Variants in ZNF319 observed in about 807,000 individuals in gnomAD.
ZNF319 encodes the protein zinc finger protein 319.
A neutral mutation model predicts 46.0 loss-of-function variants in ZNF319; 15 were observed. That is an observed-to-expected ratio of 0.33 (90% CI 0.22 to 0.50). The LOEUF is 0.50. Among genes scored for constraint, ZNF319 ranks in the 20% least tolerant of loss-of-function variants. ZNF319 has a pLI of 0.98. For synonymous variants in ZNF319, 368 were observed against 364.0 expected, an observed-to-expected ratio of 1.01 and a Z score of -0.13; for missense variants, 635 against 807.0, an observed-to-expected ratio of 0.79 and a Z score of 2.58.
Position 57,997,924 on chromosome 16 carries a change from G to C in ZNF319, c.342C>G (p.His114Gln). 1 of 1,613,572 alleles carries C rather than the reference G, an allele frequency of 6.2e-7. No individual in the cohort carries two copies. Among genetic ancestry groups the C allele is most frequent in the South Asian group, 1.1e-5 (1 of 91,092 alleles). The change falls in exon 2 of 2, where the codon CAC becomes CAG. Residue 114 changes from histidine (H) to glutamine (Q), a missense_variant. Around this residue, in one of 3 missense-constraint regions of ZNF319, gnomAD observed 227 missense variants for 277.5 expected, o/e 0.82. Transcript: ENST00000299237. Reference protein sequence around the residue: ...FQCTQCLKIFHQATDLLEHQC... With the variant: ...FQCTQCLKIFQQATDLLEHQC... ...GGTGCTCCAGCAGGTCAGTGGCCTG[G>C]TGGAAGATCTTGAGACACTGTGTGC...
In ZNF319 at chr16:57,995,299, A is replaced by G. The variant is rs946069648; in HGVS notation, c.*1218T>C. The G allele has an allele frequency of 3.9e-5, 6 of 152,196 alleles. No individual in the cohort carries two copies. The highest frequency in any genetic ancestry group is 3.3e-4 in the Admixed American group (5 of 15,284). 9.4% of individuals were successfully genotyped at this position (152,196 alleles called of 1,614,324 possible). On this transcript the variant is annotated 3_prime_UTR_variant, in exon 2 of 2. Coordinates refer to ENST00000299237, the MANE Select transcript of ZNF319 (RefSeq NM_020807.3). ...AACCCACTTGCTCTTTCTGCTCCCT[A>G]TGACTGGGATACCCTCTGCTTCATG...
At position 57,998,153 on chromosome 16, in the gene ZNF319, G is replaced by A. The variant is rs61995741; in HGVS notation, c.113C>T (p.Pro38Leu). 3.3e-3 allele frequency: 5,129 copies of A among 1,577,878 alleles called. 15 individuals carry two copies. Among genetic ancestry groups the A allele is most frequent in the South Asian group, 5.4e-3 (464 of 86,158 alleles). The change falls in exon 2 of 2, where the codon CCG (proline) becomes CTG (leucine). Residue 38 changes from proline (P) to leucine (L), a missense_variant. This residue lies in a region of ZNF319 where 227 missense variants were observed against 277.5 expected (regional missense o/e 0.82). Coordinates refer to ENST00000299237, the MANE Select transcript of ZNF319 (RefSeq NM_020807.3). ...PPALAEHTLP[P>L]GTAENPLGCA... is the part of the protein sequence containing the mutation. ...GCCCAGGGGGTTCTCCGCCGTGCCC[G>A]GAGGCAGCGTGTGCTCTGCCAGGGC... is the stretch of plus-strand genomic sequence containing the variant.
At position 57,996,846 on chromosome 16, in the gene ZNF319, C is replaced by T; in HGVS notation, c.1420G>A (p.Val474Met). ...CGGGCCGGATCGCAGCGGTGCTGCA[C>T]GAACTCGGAAGAGGAGAAGAAGCGG... ...ERRFFSSSEF[V>M]QHRCDPAREK... is the part of the protein sequence containing the mutation. Residue 474 changes from valine (V) to methionine (M), a missense_variant, in exon 2 of 2, where the codon GTG (valine) becomes ATG (methionine). By Grantham distance (21) the Val-to-Met change is conservative (BLOSUM62 1). Coordinates refer to ENST00000299237, the MANE Select transcript of ZNF319 (RefSeq NM_020807.3). 1.1e-5 allele frequency: 17 copies of T among 1,605,456 alleles called. No individual in the cohort carries two copies. The highest frequency in any genetic ancestry group is 1.4e-5 in the Non-Finnish European group (17 of 1,178,378).
Position 57,997,299 on chromosome 16 carries a change from CCTT to C in ZNF319, c.964_966del (p.Lys322del). ...CGCAGGTCCGAGGGCCGCTTGAAGG[CCTT>C]CTGGCACTCGCCGCAGCGGAAGGGC... On this transcript the variant is annotated inframe_deletion, in exon 2 of 2. Transcript: ENST00000299237. 2 of 1,609,642 alleles carry C rather than the reference CCTT, an allele frequency of 1.2e-6. No homozygotes were observed. Among genetic ancestry groups the C allele is most frequent in the Non-Finnish European group, 1.7e-6 (2 of 1,179,538 alleles).
Position 57,997,567 on chromosome 16 carries a change from C to A in ZNF319, c.699G>T (p.Thr233=). ...IHTGEKPYKC[T]LCDKSFSQSS... is the part of the protein sequence containing the mutation. Reference sequence around the variant, plus strand: ...ACTGGCTGAAGCTTTTGTCACACAGCGTGCACTTGTAGGGCTTCTCACCGG... The same window carrying A: ...ACTGGCTGAAGCTTTTGTCACACAGAGTGCACTTGTAGGGCTTCTCACCGG... Residue 233 remains threonine, a synonymous_variant, in exon 2 of 2, where the codon ACG becomes ACT. Coordinates refer to ENST00000299237, the MANE Select transcript of ZNF319 (RefSeq NM_020807.3). 1 of 1,613,770 alleles carries A rather than the reference C, an allele frequency of 6.2e-7. No homozygotes were observed. Among genetic ancestry groups the A allele is most frequent in the Non-Finnish European group, 8.5e-7 (1 of 1,179,708 alleles).
chr16:57,996,956 T>G lies in ZNF319; in HGVS notation c.1310A>C (p.Tyr437Ser). ...CTTCTGCAGGGCCGACGCGCGCTTG[T>G]AGGCCTTGTTGCACACAGGGCACTT... ...PFKCPVCNKA[Y>S]KRASALQKHQ... The change falls in exon 2 of 2, where the codon TAC (tyrosine) becomes TCC (serine). Residue 437 changes from tyrosine (Y) to serine (S), a missense_variant. Physicochemically the swap from Tyr to Ser is moderately radical, Grantham distance 144. This residue lies in a region of ZNF319 where 270 missense variants were observed against 281.4 expected (regional missense o/e 0.96). Transcript: ENST00000299237. 6.2e-7 allele frequency: 1 copy of G among 1,602,918 alleles called. No individual in the cohort carries two copies. Among genetic ancestry groups the G allele is most frequent in the Non-Finnish European group, 8.5e-7 (1 of 1,178,918 alleles).
chr16:58,000,013 G>A lies in ZNF319; in HGVS notation c.-778C>T, dbSNP rs73546948. Reference sequence around the variant, plus strand: ...TCACTCCGCAAAGGGGAGAGAGGAGGCAAGGAGAGGCAGGGGAGGCCCCCC... The same window carrying A: ...TCACTCCGCAAAGGGGAGAGAGGAGACAAGGAGAGGCAGGGGAGGCCCCCC... On this transcript the variant is annotated 5_prime_UTR_variant, in exon 1 of 2. Transcript: ENST00000299237. The surrounding 1 kb of genome is among the most constrained non-coding windows in gnomAD (Gnocchi z 4.5). Among the ~76,000 whole-genome samples the A allele has an allele frequency of 4.8e-3, 735 of 152,348 alleles. 8 individuals carry two copies. Among genetic ancestry groups the A allele is most frequent in the African/African-American group, 0.017 (692 of 41,586 alleles).
Position 57,996,191 on chromosome 16 carries a change from T to C in ZNF319, c.*326A>G. 1 of 370,732 alleles carries C rather than the reference T, an allele frequency of 2.7e-6. No homozygotes were observed. The highest frequency in any genetic ancestry group is 4.9e-6 in the Non-Finnish European group (1 of 205,514). The allele number at this position is 370,732 out of a possible 1,614,324, so 23.0% of individuals were successfully genotyped here. A position where few individuals can be genotyped will look rare whatever the true frequency, so the allele number is the denominator to read the frequency against. ...CCTCCTTAGGGCAGGGAGAAGCCACTTGACTTCCAGCCTGGCTCCAGTGCC... is the reference window on the plus strand; with the variant it reads ...CCTCCTTAGGGCAGGGAGAAGCCACCTGACTTCCAGCCTGGCTCCAGTGCC... On this transcript the variant is annotated 3_prime_UTR_variant, in exon 2 of 2. Coordinates refer to ENST00000299237, the MANE Select transcript of ZNF319 (RefSeq NM_020807.3).
rs1383557599 is a variant in ZNF319 at position 57,999,561 on chromosome 16, C to T, written c.-326G>A. 2.6e-5 allele frequency: 4 copies of T among 152,264 alleles called. No individual in the cohort carries two copies. Among genetic ancestry groups the T allele is most frequent in the Admixed American group, 6.5e-5 (1 of 15,288 alleles). 9.4% of individuals were successfully genotyped at this position (152,264 alleles called of 1,614,324 possible). On this transcript the variant is annotated 5_prime_UTR_variant, in exon 1 of 2. Coordinates refer to ENST00000299237, the MANE Select transcript of ZNF319 (RefSeq NM_020807.3). Reference sequence around the variant, plus strand: ...TTTCAGAGTCAGATGCAACCCACTTCCAGGTTCCCAGCTCATCTGCCTCTT... The same window carrying T: ...TTTCAGAGTCAGATGCAACCCACTTTCAGGTTCCCAGCTCATCTGCCTCTT...
rs766258052 is a variant in ZNF319 at position 57,997,218 on chromosome 16, T to C, written c.1048A>G (p.Met350Val). Residue 350 changes from methionine to valine, a missense_variant, in exon 2 of 2, where the codon ATG (methionine) becomes GTG (valine). By Grantham distance (21) the Met-to-Val change is conservative. Coordinates refer to ENST00000299237, the MANE Select transcript of ZNF319 (RefSeq NM_020807.3). ...ERPFKCDLCP[M>V]GFKQQYALMR... ...AGTGCGTACTGCTGCTTGAAGCCCA[T>C]GGGGCACAGGTCGCACTTGAAGGGC... is the stretch of plus-strand genomic sequence containing the variant. 21 of 1,613,376 alleles carry C rather than the reference T, an allele frequency of 1.3e-5. No individual in the cohort carries two copies. Among genetic ancestry groups the C allele is most frequent in the Non-Finnish European group, 1.7e-5 (20 of 1,179,906 alleles).
At position 57,996,989 on chromosome 16, in the gene ZNF319, C is replaced by T. The variant is rs1963030708; in HGVS notation, c.1277G>A (p.Arg426Gln). The T allele has an allele frequency of 3.1e-6, 5 of 1,605,354 alleles. No homozygotes were observed. Among genetic ancestry groups the T allele is most frequent in the Non-Finnish European group, 4.2e-6 (5 of 1,178,926 alleles). ...GTTGCACACAGGGCACTTGAAGGGC[C>T]GCTCGGCCGCGCCGGGCAGGCACTT... ...RHKCLPGAAE[R>Q]PFKCPVCNKA... Residue 426 changes from arginine to glutamine, a missense_variant, in exon 2 of 2, where the codon CGG becomes CAG. Physicochemically the swap from Arg to Gln is conservative, Grantham distance 43. This residue lies in a region of ZNF319 where 270 missense variants were observed against 281.4 expected (regional missense o/e 0.96). Transcript: ENST00000299237.
At position 57,997,575 on chromosome 16, in the gene ZNF319, T is replaced by G. The variant is rs1256924608; in HGVS notation, c.691A>C (p.Lys231Gln). The G allele has an allele frequency of 1.2e-6, 2 of 1,613,910 alleles. No individual in the cohort carries two copies. Among genetic ancestry groups the G allele is most frequent in the Non-Finnish European group, 1.7e-6 (2 of 1,179,914 alleles). ...ERIHTGEKPY[K>Q]CTLCDKSFSQ... ...AAGCTTTTGTCACACAGCGTGCACTTGTAGGGCTTCTCACCGGTGTGGATC... is the reference window on the plus strand; with the variant it reads ...AAGCTTTTGTCACACAGCGTGCACTGGTAGGGCTTCTCACCGGTGTGGATC... Residue 231 changes from lysine (K) to glutamine (Q), a missense_variant, in exon 2 of 2, where the codon AAG (lysine) becomes CAG (glutamine). Coordinates refer to ENST00000299237, the MANE Select transcript of ZNF319 (RefSeq NM_020807.3).
chr16:57,999,466 C>T (rs1000234762), intron 1 of ZNF319, 27 bp downstream of exon 1: 1 of 152,282 alleles, frequency 6.6e-6, no homozygotes, highest in African/African-American at 2.4e-5. Context: ...GTAAAGCCCA[C>T]CCAGCCCAGG....
In ZNF319 at chr16:57,997,712, G is replaced by A; in HGVS notation, c.554C>T (p.Ala185Val). 6.2e-7 allele frequency: 1 copy of A among 1,613,740 alleles called. No homozygotes were observed. The highest frequency in any genetic ancestry group is 2.2e-5 in the East Asian group (1 of 44,888). ...PATTAAPSLPAAPAPSTVTPA... is the reference protein window; with the variant it reads ...PATTAAPSLPVAPAPSTVTPA... ...GGTGACAGTGGAAGGCGCGGGTGCT[G>A]CGGGAAGCGACGGGGCGGCTGTGGT... Residue 185 changes from alanine to valine, a missense_variant, in exon 2 of 2, where the codon GCA (alanine) becomes GTA (valine). By Grantham distance (64) the Ala-to-Val change is moderately conservative (BLOSUM62 0). Coordinates refer to ENST00000299237, the MANE Select transcript of ZNF319 (RefSeq NM_020807.3).
At position 58,000,129 on chromosome 16, in the gene ZNF319, G is replaced by A. The variant is rs1023957767; in HGVS notation, c.-894C>T. ...CGGCCCTGCCTGCAGGCCCAGCTGG[G>A]CTGCGTCCTGTCAGCCCTCGTCCGG... On this transcript the variant is annotated 5_prime_UTR_variant, in exon 1 of 2. Coordinates refer to ENST00000299237, the MANE Select transcript of ZNF319 (RefSeq NM_020807.3). The surrounding 1 kb of genome is among the most constrained non-coding windows in gnomAD (Gnocchi z 4.5). Among the ~76,000 whole-genome samples the A allele has an allele frequency of 6.6e-6, 1 of 152,166 alleles. No homozygotes were observed. Among genetic ancestry groups the A allele is most frequent in the African/African-American group, 2.4e-5 (1 of 41,452 alleles).
rs1399605370 is a variant in ZNF319 at position 57,997,047 on chromosome 16, C to T, written c.1219G>A (p.Gly407Ser). The T allele has an allele frequency of 7.4e-6, 12 of 1,612,498 alleles. No individual in the cohort carries two copies. In the East Asian group the frequency reaches 2.7e-4, roughly 36 times the overall value. Residue 407 changes from glycine (G) to serine (S), a missense_variant, in exon 2 of 2, where the codon GGC becomes AGC. Gly to Ser is a moderately conservative substitution (Grantham distance 56, BLOSUM62 0). Coordinates refer to ENST00000299237, the MANE Select transcript of ZNF319 (RefSeq NM_020807.3). ...TLFKCPVCQK[G>S]FDQSAELLRH... is the part of the protein sequence containing the mutation. ...AGCAGCTCGGCAGATTGGTCAAAGC[C>T]TTTCTGGCACACGGGGCACTTGAAG...
Position 57,998,062 on chromosome 16 carries a change from C to A in ZNF319, c.204G>T (p.Leu68=). 2.5e-6 allele frequency: 4 copies of A among 1,610,124 alleles called. No individual in the cohort carries two copies. Among genetic ancestry groups the A allele is most frequent in the Non-Finnish European group, 3.4e-6 (4 of 1,179,914 alleles). Residue 68 remains leucine, a synonymous_variant, in exon 2 of 2, where the codon CTG becomes CTT. Transcript: ENST00000299237. ...PGLQPPQHAP[L]QAAGEPGPKC... ...TGGGGCCTGGCTCTCCTGCTGCCTG[C>A]AGGGGTGCGTGTTGTGGGGGCTGCA...
Position 57,996,585 on chromosome 16 carries a change from T to C in ZNF319, c.1681A>G (p.Ser561Gly). 6.3e-7 allele frequency: 1 copy of C among 1,599,342 alleles called. No individual in the cohort carries two copies. Among genetic ancestry groups the C allele is most frequent in the Non-Finnish European group, 8.5e-7 (1 of 1,177,442 alleles). The change falls in exon 2 of 2, where the codon AGC becomes GGC. Residue 561 changes from serine (S) to glycine (G), a missense_variant. Ser to Gly is a moderately conservative substitution (Grantham distance 56, BLOSUM62 0). Around this residue, in one of 3 missense-constraint regions of ZNF319, gnomAD observed 270 missense variants for 281.4 expected, o/e 0.96. Transcript: ENST00000299237. Reference protein sequence around the residue: ...FLDVALLQEHSAQHSAAAAAA... With the variant: ...FLDVALLQEHGAQHSAAAAAA... Reference sequence around the variant, plus strand: ...GCGGCGGCGGCACTGTGCTGCGCGCTGTGCTCCTGCAACAAGGCCACGTCT... The same window carrying C: ...GCGGCGGCGGCACTGTGCTGCGCGCCGTGCTCCTGCAACAAGGCCACGTCT...
At position 57,997,165 on chromosome 16, in the gene ZNF319, G is replaced by T. The variant is rs774196569; in HGVS notation, c.1101C>A (p.Thr367=). The change falls in exon 2 of 2, where the codon ACC becomes ACA. Residue 367 remains threonine, a synonymous_variant. Transcript: ENST00000299237. The part of the protein sequence containing the change: ...ALMRHRRTHK[T]EEPFKCGLCE... ...ATAGGCCGCATTTGAAGGGCTCCTC[G>T]GTCTTGTGTGTGCGCCGGTGGCGCA... The T allele has an allele frequency of 5.6e-6, 9 of 1,613,764 alleles. No individual in the cohort carries two copies. In the African/African-American group the frequency reaches 1.1e-4, roughly 19 times the overall value.
Sources: gnomAD v4.1 joint callset for allele counts (sites outside exome capture counted in the v4.1 genomes callset) on GRCh38, gnomAD v4.1.1 for gene constraint, gnomAD v4.1.1 regional missense constraint, Gnocchi (gnomAD v3.1) non-coding constraint, MANE v1.5 for transcripts, NCBI Gene and HGNC (gene_info 2026-07-23, HGNC 2026-07-21) for gene names.